Variants in MYRIP observed in about 807,000 individuals in gnomAD.
MYRIP encodes the protein myosin VIIA and Rab interacting protein.
Under a neutral mutation model 98.0 loss-of-function variants are expected in MYRIP, and 49 were observed. The ratio of observed to expected loss-of-function variants is 0.50; its 90% CI spans 0.40 to 0.63. The LOEUF is 0.63. Among genes scored for constraint, MYRIP ranks in the 30% least tolerant of loss-of-function variants. The pLI is 0.00. For synonymous variants in MYRIP, 404 were observed against 409.5 expected, an observed-to-expected ratio of 0.99 and a Z score of 0.16; for missense variants, 1,004 against 1,058.2, an observed-to-expected ratio of 0.95 and a Z score of 0.71.
chr3:40,120,310 A>G (rs533811488), intron 3 of MYRIP, among the ~76,000 whole-genome samples: 18 of 152,240 alleles, frequency 1.2e-4, no homozygotes, highest in Non-Finnish European at 2.4e-4. Flanking sequence ...TTCTTGTTCC[A>G]ACAACCAGCT....
chr3:39,998,450 A>C (rs1430295271), intron 2 of MYRIP, among the ~76,000 whole-genome samples: 2 of 152,188 alleles, frequency 1.3e-5, no homozygotes, highest in Non-Finnish European at 1.5e-5. Context: ...ACAATAAAAT[A>C]CCTAGGAATC....
At chr3:40,138,062 G>T (rs957814823) in intron 3 of MYRIP, among the ~76,000 whole-genome samples, 12 of 152,178 alleles carry the variant, frequency 7.9e-5, no homozygotes, top group African/African-American at 2.4e-4. Context: ...CTAGGGAAAT[G>T]GAGCAAAGTG....
chr3:40,251,176 G>A (rs1337482324), intron 15 of MYRIP, among the ~76,000 whole-genome samples: 2 of 152,210 alleles, frequency 1.3e-5, no homozygotes. Context: ...TACCAAACTA[G>A]AAATTTAGAT....
intron 1 of MYRIP, among the ~76,000 whole-genome samples, chr3:39,853,491 C>T (rs762950824): frequency 6.6e-6 from 1 of 152,104 alleles, no homozygotes; most frequent in Non-Finnish European, 1.5e-5. Flanking sequence ...TTTTAATTTG[C>T]ATTTCCCTGA....
At chr3:40,103,618 G>C (rs1162181818) in intron 3 of MYRIP, among the ~76,000 whole-genome samples, 1 of 152,174 alleles carries the variant, frequency 6.6e-6, no homozygotes, top group Non-Finnish European at 1.5e-5. Context: ...AATTAGCCAG[G>C]CATGGTGGCA....
intron 2 of MYRIP, among the ~76,000 whole-genome samples, chr3:40,035,179 A>T (rs1445778485): frequency 4.0e-5 from 6 of 151,744 alleles, no homozygotes; most frequent in Admixed American, 6.6e-5. Context: ...CATATGTAAC[A>T]AACCTGCACA....
rs756467749 is a variant in MYRIP, at chr3:40,244,408, C to G, written c.2101-38C>G. 38 of 1,569,394 alleles carry G rather than the reference C, an allele frequency of 2.4e-5. No homozygotes were observed. In the East Asian group the frequency reaches 8.8e-4, roughly 36 times the overall value. On this transcript the variant is annotated intron_variant, in intron 12 of 16. Coordinates refer to ENST00000302541, the MANE Select transcript of MYRIP (RefSeq NM_015460.4). ...AAGGGACCCCCAACCAGTCCCAAGT[C>G]TGCAGACATGAACTCAAATGTAGCA...
intron 8 of MYRIP, among the ~76,000 whole-genome samples, chr3:40,178,536 T>C (rs538021807): frequency 6.6e-4 from 101 of 152,196 alleles, no homozygotes; most frequent in Non-Finnish European, 1.2e-3. Flanking sequence ...GCCATCCATA[T>C]GCTTTGGGCA....
rs1418291109 is a variant in MYRIP at position 40,258,240 on chromosome 3, G to A, written c.*74G>A. ...ACAGTGCCTTGACCCAACAGCCATCGAGTACTGTATGTATTTCCACCTGAG... is the reference window on the plus strand; with the variant it reads ...ACAGTGCCTTGACCCAACAGCCATCAAGTACTGTATGTATTTCCACCTGAG... On this transcript the variant is annotated 3_prime_UTR_variant, in exon 17 of 17. Transcript: ENST00000302541. The A allele has an allele frequency of 8.3e-6, 13 of 1,558,454 alleles. No individual in the cohort carries two copies. Among genetic ancestry groups the A allele is most frequent in the African/African-American group, 8.1e-5 (6 of 73,740 alleles).
chr3:39,864,501 C>A (rs1942564981), intron 1 of MYRIP, among the ~76,000 whole-genome samples: 1 of 152,002 alleles, frequency 6.6e-6, no homozygotes, highest in Admixed American at 6.6e-5. Context: ...TCCTATACAC[C>A]AACAACATCC....
intron 1 of MYRIP, among the ~76,000 whole-genome samples, chr3:39,845,293 A>G (rs527979285): frequency 1.3e-5 from 2 of 152,160 alleles, no homozygotes; most frequent in Non-Finnish European, 2.9e-5. Flanking sequence ...GCACAGATGT[A>G]TGCCCTTGGG....
intron 1 of MYRIP, among the ~76,000 whole-genome samples, chr3:39,898,034 A>G (rs1943656108): frequency 6.6e-6 from 1 of 152,028 alleles, no homozygotes. Flanking sequence ...ATCAGTCTGC[A>G]TTTTCAGTGG....
chr3:39,848,016 T>C (rs1942021108), intron 1 of MYRIP, among the ~76,000 whole-genome samples: 1 of 152,188 alleles, frequency 6.6e-6, no homozygotes, highest in Non-Finnish European at 1.5e-5. Context: ...TGTAATACCG[T>C]TGAAGGCTAG....
At chr3:40,119,754 T>C (rs949875167) in intron 3 of MYRIP, among the ~76,000 whole-genome samples, 9 of 151,686 alleles carry the variant, frequency 5.9e-5, no homozygotes, top group Non-Finnish European at 1.5e-5. Context: ...AACATCACAC[T>C]GGGGACTGTT....
chr3:39,884,163 A>G (rs1943227657), intron 1 of MYRIP, among the ~76,000 whole-genome samples: 1 of 152,132 alleles, frequency 6.6e-6, no homozygotes, highest in African/African-American at 2.4e-5. Flanking sequence ...AGACCATGGA[A>G]TACTATCCTA....
intron 9 of MYRIP, among the ~76,000 whole-genome samples, chr3:40,186,617 C>T (rs1360991416): frequency 2.0e-5 from 3 of 152,192 alleles, no homozygotes; most frequent in African/African-American, 7.2e-5. Context: ...CTGGGTACTT[C>T]CACTCTGCCC....
At chr3:39,954,937 A>G (rs867213625) in intron 2 of MYRIP, among the ~76,000 whole-genome samples, 17 of 152,196 alleles carry the variant, frequency 1.1e-4, no homozygotes, top group Admixed American at 3.3e-4. Flanking sequence ...ATTGAAGATC[A>G]AATTAATAAA....
At position 40,092,383 on chromosome 3, in the gene MYRIP, G is replaced by A. The variant is rs9865288; in HGVS notation, c.332+48112G>A. ...GCTGGGAAAGATACTCACCCACACTGTAAGGGATAGCTATGCCTCCCCAAA... is the reference window on the plus strand; with the variant it reads ...GCTGGGAAAGATACTCACCCACACTATAAGGGATAGCTATGCCTCCCCAAA... On this transcript the variant is annotated intron_variant, in intron 3 of 16. Transcript: ENST00000302541. Among the ~76,000 whole-genome samples, 1,076 of 152,276 alleles carry A rather than the reference G, an allele frequency of 7.1e-3. 17 individuals carry two copies. Among genetic ancestry groups the A allele is most frequent in the African/African-American group, 0.024 (1,017 of 41,552 alleles).
At chr3:39,889,339 T>C (rs374432079) in intron 1 of MYRIP, among the ~76,000 whole-genome samples, 13 of 152,014 alleles carry the variant, frequency 8.6e-5, no homozygotes, top group South Asian at 2.1e-4. Flanking sequence ...CCATGGAATA[T>C]TATGCAGCCA....
Sources: allele counts gnomAD v4.1 joint callset (sites outside exome capture counted in the v4.1 genomes callset), GRCh38; gene constraint gnomAD v4.1.1; transcripts MANE v1.5; gene names NCBI Gene and HGNC (gene_info 2026-07-23, HGNC 2026-07-21).